The following CACYBP variants were observed in gnomAD, a reference collection of about 807,000 sequenced individuals.
CACYBP encodes the protein calcyclin-binding protein.
A neutral mutation model predicts 29.6 loss-of-function variants in CACYBP; 11 were observed. The ratio of observed to expected loss-of-function variants is 0.37; its 90% CI spans 0.23 to 0.61. The LOEUF (loss-of-function observed/expected upper bound fraction) is 0.61. CACYBP is among the 20% of genes least tolerant of loss of function. The pLI, the probability that CACYBP is intolerant of heterozygous loss-of-function variation, is 0.65. For missense variants in CACYBP, 163 were observed against 260.7 expected (o/e 0.63, Z 2.58); for synonymous variants, 73 against 88.3 (o/e 0.83, Z 0.97).
At chr1:175,004,064 T>C (rs1672557428) in intron 1 of CACYBP, among the ~76,000 whole-genome samples, 2 of 152,224 alleles carry the variant, frequency 1.3e-5, no homozygotes, top group East Asian at 1.9e-4. Context: ...TTTTATCTTT[T>C]GTCTTAAAAA....
Position 175,000,996 on chromosome 1 carries a change from A to G in CACYBP, c.15+801A>G, listed in dbSNP as rs1198635086. ...GAAGACGGGACAGTTATTCACAGTT[A>G]AGTGTTGGGTGTGTATTAACTAGAT... On this transcript the variant is annotated intron_variant, in intron 1 of 5. Coordinates refer to ENST00000367679, the MANE Select transcript of CACYBP (RefSeq NM_014412.3). Among the ~76,000 whole-genome samples the G allele has an allele frequency of 3.3e-5, 5 of 152,340 alleles. No homozygotes were observed. The South Asian group carries it at 1.0e-3, about 32-fold the overall frequency.
At chr1:175,004,057 T>TA (rs1558324450) in intron 1 of CACYBP, among the ~76,000 whole-genome samples, 1 of 152,142 alleles carries the variant, frequency 6.6e-6, no homozygotes, top group African/African-American at 2.4e-5. Context: ...TTTTTTTTTT[T>TA]ATCTTTTGTC....
intron 1 of CACYBP, among the ~76,000 whole-genome samples, chr1:175,003,815 T>C (rs1233968634): frequency 2.0e-5 from 3 of 152,230 alleles, no homozygotes; most frequent in African/African-American, 4.8e-5. Flanking sequence ...TCTTTAACTC[T>C]TGAATTTCAT....
At chr1:175,009,821 T>C (rs945885362) in intron 5 of CACYBP, 102 bp from the exon 6 acceptor site, 5 of 850,768 alleles carry the variant, frequency 5.9e-6, no homozygotes, top group Non-Finnish European at 9.2e-6. Context: ...GTACTCTGTC[T>C]TCCTTCTTAT....
chr1:174,999,443 G>A (rs773014873), upstream of CACYBP: 1 of 152,812 alleles, frequency 6.5e-6, no homozygotes, highest in Non-Finnish European at 1.5e-5. Context: ...TTAGACCGCG[G>A]TGACGTCTCC....
At chr1:175,009,006 C>CT (rs2149412077) in intron 5 of CACYBP, 1 of 241,438 alleles carries the variant, frequency 4.1e-6, no homozygotes, top group African/African-American at 2.2e-5. Context: ...TTCTCAGATG[C>CT]TTCTGATGCG....
chr1:175,000,041 C>A lies in CACYBP; in HGVS notation c.-140C>A. 2 of 1,232,276 alleles carry A rather than the reference C, an allele frequency of 1.6e-6. No homozygotes were observed. Among genetic ancestry groups the A allele is most frequent in the Non-Finnish European group, 2.3e-6 (2 of 864,426 alleles). The allele number at this position is 1,232,276 out of a possible 1,614,324, so 76.3% of individuals were successfully genotyped here. A position where few individuals can be genotyped will look rare whatever the true frequency, so the allele number is the denominator to read the frequency against. ...GCGGGAGGCGGGCCGCGATCTTGCG[C>A]AGGGTCGGTGTGGGCGCAGGCTGCA... On this transcript the variant is annotated 5_prime_UTR_variant, in exon 1 of 6. Transcript: ENST00000367679.
chr1:175,005,265 C>T (rs1246701469), intron 2 of CACYBP, among the ~76,000 whole-genome samples: 1 of 152,218 alleles, frequency 6.6e-6, no homozygotes, highest in Non-Finnish European at 1.5e-5. Context: ...ACAACAGTGA[C>T]TAAGACCCAG....
intron 1 of CACYBP, 156 bp downstream of exon 1, chr1:175,000,351 C>T (rs1239997515): frequency 7.0e-7 from 1 of 1,431,644 alleles, no homozygotes; most frequent in Non-Finnish European, 9.2e-7. Flanking sequence ...CTCACTCGCC[C>T]CTTGCTGCGC....
At position 175,007,209 on chromosome 1, in the gene CACYBP, T is replaced by C; in HGVS notation, c.432+12T>C. 1 of 1,513,764 alleles carries C rather than the reference T, an allele frequency of 6.6e-7. No individual in the cohort carries two copies. Among genetic ancestry groups the C allele is most frequent in the South Asian group, 1.1e-5 (1 of 87,956 alleles). The allele number at this position is 1,513,764 out of a possible 1,614,324, so 93.8% of individuals were successfully genotyped here. A position where few individuals can be genotyped will look rare whatever the true frequency, so the allele number is the denominator to read the frequency against. ...GCAGTTCAAAAAAAGTGAGTGTGCT[T>C]TTTTTGATTGTAATATTGTGAAACC... is the stretch of plus-strand genomic sequence containing the variant. On this transcript the variant is annotated intron_variant, in intron 4 of 5. Transcript: ENST00000367679.
rs138497327 is a variant in CACYBP at position 175,009,865 on chromosome 1, T to A, written c.531-58T>A. The stretch of plus-strand genomic sequence containing the variant: ...TTCCTGCCAGTGTTAACAACCTGAA[T>A]GATAGTATCTTCCGGTGCTTTCGTT... On this transcript the variant is annotated intron_variant, in intron 5 of 5. Coordinates refer to ENST00000367679, the MANE Select transcript of CACYBP (RefSeq NM_014412.3). The A allele has an allele frequency of 4.7e-4, 654 of 1,378,460 alleles. 1 individual carries two copies. The African/African-American group carries it at 8.6e-3, about 18-fold the overall frequency. 85.4% of individuals were successfully genotyped at this position (1,378,460 alleles called of 1,614,324 possible).
chr1:175,009,628 A>G (rs1409360263), intron 5 of CACYBP, among the ~76,000 whole-genome samples: 1 of 145,368 alleles, frequency 6.9e-6, no homozygotes, highest in East Asian at 2.0e-4. Context: ...CCTGGGCAAC[A>G]GAGCAGGACT....
At chr1:175,003,444 A>G (rs1672541776) in intron 1 of CACYBP, among the ~76,000 whole-genome samples, 1 of 152,164 alleles carries the variant, frequency 6.6e-6, no homozygotes, top group South Asian at 2.1e-4. Flanking sequence ...ATACCATGTC[A>G]TCTGTTATAG....
chr1:175,010,283 T>C lies in CACYBP; in HGVS notation c.*204T>C, dbSNP rs1394127681. 1 of 414,414 alleles carries C rather than the reference T, an allele frequency of 2.4e-6. No homozygotes were observed. Among genetic ancestry groups the C allele is most frequent in the Admixed American group, 4.2e-5 (1 of 23,746 alleles). The allele number at this position is 414,414 out of a possible 1,614,324, so 25.7% of individuals were successfully genotyped here. A position where few individuals can be genotyped will look rare whatever the true frequency, so the allele number is the denominator to read the frequency against. Reference sequence around the variant, plus strand: ...TTAAACACTCCTGCAAAGATGGTTTTATTAGTACCCTGGTCATTTTGTTCA... The same window carrying C: ...TTAAACACTCCTGCAAAGATGGTTTCATTAGTACCCTGGTCATTTTGTTCA... On this transcript the variant is annotated 3_prime_UTR_variant, in exon 6 of 6. Coordinates refer to ENST00000367679, the MANE Select transcript of CACYBP (RefSeq NM_014412.3).
intron 4 of CACYBP, among the ~76,000 whole-genome samples, chr1:175,008,266 A>T (rs902217023): frequency 6.6e-6 from 1 of 152,134 alleles, no homozygotes; most frequent in Middle Eastern, 3.4e-3. Flanking sequence ...TCTTGGAGCC[A>T]TTCTGCATGC....
rs767318446 is a variant in CACYBP at position 175,004,735 on chromosome 1, A to C, written c.137A>C (p.Gln46Pro). 10 of 1,613,926 alleles carry C rather than the reference A, an allele frequency of 6.2e-6. No homozygotes were observed. In the East Asian group the frequency reaches 2.2e-4, roughly 36 times the overall value. Residue 46 changes from glutamine to proline, a missense_variant, in exon 2 of 6, where the codon CAG (glutamine) becomes CCG (proline). Physicochemically the swap from Gln to Pro is moderately conservative, Grantham distance 76. Coordinates refer to ENST00000367679, the MANE Select transcript of CACYBP (RefSeq NM_014412.3). ...ACAGAAATCAAGAACAAGATGCAAC[A>C]GAAATCACAGAAGAAAGCAGAACTT... ...IETEIKNKMQ[Q>P]KSQKKAELLD...
intron 5 of CACYBP, among the ~76,000 whole-genome samples, chr1:175,009,550 G>A (rs954996999): frequency 3.3e-5 from 5 of 150,468 alleles, no homozygotes; most frequent in African/African-American, 1.2e-4. Context: ...GGAGGCTGAG[G>A]CAGACAGAAT....
At chr1:175,009,643 CAAAAAA>C (rs67446162) in intron 5 of CACYBP, among the ~76,000 whole-genome samples, 1 of 100,504 alleles carries the variant, frequency 9.9e-6, no homozygotes. Flanking sequence ...AGGACTGTCT[CAAAAAA>C]AAAAAAAAAA....
chr1:175,004,782 G>A lies in CACYBP; in HGVS notation c.184G>A (p.Ala62Thr). 1.2e-6 allele frequency: 2 copies of A among 1,613,682 alleles called. No individual in the cohort carries two copies. Reference protein sequence around the residue: ...AELLDNEKPAAVVAPITTGYT... With the variant: ...AELLDNEKPATVVAPITTGYT... Reference sequence around the variant, plus strand: ...ACTTCTTGATAATGAAAAACCAGCTGCTGTGGTTGCTCCCATTACAACGGG... The same window carrying A: ...ACTTCTTGATAATGAAAAACCAGCTACTGTGGTTGCTCCCATTACAACGGG... The change falls in exon 2 of 6, where the codon GCT (alanine) becomes ACT (threonine). Residue 62 changes from alanine (A) to threonine (T), a missense_variant. By Grantham distance (58) the Ala-to-Thr change is moderately conservative. Coordinates refer to ENST00000367679, the MANE Select transcript of CACYBP (RefSeq NM_014412.3).
Sources: gnomAD v4.1 joint callset for allele counts (sites outside exome capture counted in the v4.1 genomes callset) on GRCh38, gnomAD v4.1.1 for gene constraint, MANE v1.5 for transcripts, NCBI Gene and HGNC (gene_info 2026-07-23, HGNC 2026-07-21) for gene names.